The following UNC5D variants were observed in gnomAD, a reference collection of about 807,000 sequenced individuals.
UNC5D encodes the protein unc-5 netrin receptor D.
In UNC5D, 39 loss-of-function variants were observed where a neutral mutation model predicts 105.4. The observed-to-expected ratio is 0.37, with a 90% confidence interval of 0.29 to 0.48. The LOEUF is 0.48. Among genes scored for constraint, UNC5D ranks in the 20% least tolerant of loss-of-function variants. UNC5D has a pLI of 0.98. For missense variants in UNC5D, 991 were observed against 1,202.4 expected (o/e 0.82, Z 2.60); for synonymous variants, 452 against 450.4 (o/e 1.00, Z -0.04).
chr8:35,517,807 G>A (rs1813199680), intron 1 of UNC5D, among the ~76,000 whole-genome samples: 2 of 152,258 alleles, frequency 1.3e-5, no homozygotes, highest in South Asian at 4.1e-4. Context: ...TGTAGTTCTG[G>A]AGCTTGGGAA....
At chr8:35,517,570 G>A (rs1363815662) in intron 1 of UNC5D, among the ~76,000 whole-genome samples, 1 of 152,270 alleles carries the variant, frequency 6.6e-6, no homozygotes, top group African/African-American at 2.4e-5. Flanking sequence ...TGGAGTCCTC[G>A]ATGCCATGAG....
At chr8:35,291,506 T>C (rs1807063968) in intron 1 of UNC5D, among the ~76,000 whole-genome samples, 1 of 152,124 alleles carries the variant, frequency 6.6e-6, no homozygotes, top group Admixed American at 6.5e-5. Context: ...ATGGAGCTGA[T>C]GGTGGGAAAA....
At chr8:35,684,431 T>G in intron 5 of UNC5D, 151 bp from the exon 6 acceptor site, 2 of 771,778 alleles carry the variant, frequency 2.6e-6, no homozygotes, top group African/African-American at 1.8e-5. Flanking sequence ...CCCCCACTGT[T>G]GTCTCATAAT....
At chr8:35,560,769 T>C (rs1816899319) in intron 2 of UNC5D, among the ~76,000 whole-genome samples, 1 of 152,184 alleles carries the variant, frequency 6.6e-6, no homozygotes, top group South Asian at 2.1e-4. Context: ...CTGATGCCAC[T>C]GGTTGGGAAA....
intron 16 of UNC5D, 91 bp from the exon 17 acceptor site, chr8:35,790,268 A>G: frequency 1.4e-6 from 2 of 1,383,326 alleles, no homozygotes; most frequent in Non-Finnish European, 2.0e-6. Context: ...CATCTATTAA[A>G]ATTCATTTTT....
At position 35,789,901 on chromosome 8, in the gene UNC5D, CACACACACACACACA is replaced by C. The variant is rs1227103554; in HGVS notation, c.2658-457_2658-443del. 1.4e-3 allele frequency among the ~76,000 whole-genome samples: 203 copies of C among 145,506 alleles called. 1 individual carries two copies. The highest frequency in any genetic ancestry group is 5.5e-3 in the African/African-American group (199 of 36,292). On this transcript the variant is annotated intron_variant, in intron 16 of 16. Transcript: ENST00000404895. ...AGGGGATAGTCAAGAAGAAAACACA[CACACACACACACACA>C]CACACACACACACACAGAGTTCAAG...
At chr8:35,691,982 G>A (rs539147278) in intron 7 of UNC5D, among the ~76,000 whole-genome samples, 1 of 152,318 alleles carries the variant, frequency 6.6e-6, no homozygotes, top group East Asian at 1.9e-4. Context: ...TGAGACTAAA[G>A]CTAGAGAAAT....
intron 1 of UNC5D, among the ~76,000 whole-genome samples, chr8:35,496,426 G>A (rs963974919): frequency 5.3e-5 from 8 of 152,260 alleles, no homozygotes; most frequent in South Asian, 2.1e-4. Context: ...GGGACAGACC[G>A]TTGGAAAAGC....
intron 1 of UNC5D, among the ~76,000 whole-genome samples, chr8:35,291,242 AG>A (rs1807044415): frequency 6.6e-6 from 1 of 152,194 alleles, no homozygotes; most frequent in African/African-American, 2.4e-5. Flanking sequence ...CTGAAAGAGA[AG>A]GGATGGAGAA....
At chr8:35,472,989 G>A (rs1266115860) in intron 1 of UNC5D, among the ~76,000 whole-genome samples, 1 of 152,178 alleles carries the variant, frequency 6.6e-6, no homozygotes, top group Non-Finnish European at 1.5e-5. Context: ...TGGTCTTATT[G>A]GGCTGTCTGA....
intron 1 of UNC5D, among the ~76,000 whole-genome samples, chr8:35,353,918 C>G (rs1801406388): frequency 2.0e-5 from 3 of 152,064 alleles, no homozygotes; most frequent in Non-Finnish European, 4.4e-5. Context: ...GGGAAGAGTA[C>G]TGACTGGCTA....
At chr8:35,553,443 T>C (rs1217210208) in intron 2 of UNC5D, among the ~76,000 whole-genome samples, 1 of 152,126 alleles carries the variant, frequency 6.6e-6, no homozygotes, top group African/African-American at 2.4e-5. Context: ...CTGAGTATAT[T>C]ATATACCGAT....
At chr8:35,523,588 T>TC (rs1554550001) in intron 1 of UNC5D, among the ~76,000 whole-genome samples, 1 of 150,574 alleles carries the variant, frequency 6.6e-6, no homozygotes, top group African/African-American at 2.5e-5. Flanking sequence ...CTTTTTTTTT[T>TC]TTTTTTTTTT....
At chr8:35,735,582 T>G (rs182552826) in intron 11 of UNC5D, among the ~76,000 whole-genome samples, 2 of 152,270 alleles carry the variant, frequency 1.3e-5, no homozygotes, top group East Asian at 3.9e-4. Flanking sequence ...ACATTATCTT[T>G]TTTAGGGTGC....
chr8:35,297,200 T>G (rs1470008225), intron 1 of UNC5D, among the ~76,000 whole-genome samples: 5 of 152,160 alleles, frequency 3.3e-5, no homozygotes, highest in Non-Finnish European at 2.9e-5. Context: ...CAATCATAAG[T>G]GTTTTATATC....
Position 35,752,089 on chromosome 8 carries a change from G to A in UNC5D, c.2163+1280G>A, listed in dbSNP as rs1022929643. On this transcript the variant is annotated intron_variant, in intron 13 of 16. Transcript: ENST00000404895. ...AGTCATTTTCTATCCTGGACATATA[G>A]TCTATTAATTATCAGGGCTACTAGG... 5.3e-5 allele frequency among the ~76,000 whole-genome samples: 8 copies of A among 152,288 alleles called. No individual in the cohort carries two copies. In the South Asian group the frequency reaches 8.3e-4, roughly 16 times the overall value.
chr8:35,238,351 ATGT>A (rs1206909099), intron 1 of UNC5D, among the ~76,000 whole-genome samples: 1 of 152,184 alleles, frequency 6.6e-6, no homozygotes, highest in Middle Eastern at 3.2e-3. Flanking sequence ...GGACAAGGAA[ATGT>A]TGTAGAGCCC....
intron 1 of UNC5D, among the ~76,000 whole-genome samples, chr8:35,261,941 G>T (rs1036901582): frequency 2.6e-5 from 4 of 152,122 alleles, no homozygotes; most frequent in Non-Finnish European, 5.9e-5. Context: ...TAAAGTCAGT[G>T]CTGGCAAAAA....
chr8:35,760,304 A>G (rs1801467809), intron 14 of UNC5D, among the ~76,000 whole-genome samples: 1 of 151,874 alleles, frequency 6.6e-6, no homozygotes, highest in African/African-American at 2.4e-5. Flanking sequence ...CAGCCTCCCA[A>G]AGTGCTGGGA....
Sources: allele counts gnomAD v4.1 joint callset (sites outside exome capture counted in the v4.1 genomes callset), GRCh38; gene constraint gnomAD v4.1.1; transcripts MANE v1.5; gene names NCBI Gene and HGNC (gene_info 2026-07-23, HGNC 2026-07-21).